The following SATB1 variants were observed in gnomAD, a reference collection of about 807,000 sequenced individuals.
SATB1 encodes the protein SATB homeobox 1.
SATB1 carries 11 observed loss-of-function variants against 86.9 expected under a neutral mutation model. The observed-to-expected ratio is 0.13, with a 90% CI of 0.08 to 0.21. The LOEUF is 0.21. Ranked by LOEUF, SATB1 falls within the 10% of genes least tolerant of loss-of-function variation. The pLI is 1.00. For synonymous variants in SATB1, 357 were observed against 357.2 expected, an observed-to-expected ratio of 1.00 and a Z score of 0.01; for missense variants, 551 against 937.6, an observed-to-expected ratio of 0.59 and a Z score of 5.39.
At chr3:18,370,757 G>C (rs1322684663) in intron 9 of SATB1, among the ~76,000 whole-genome samples, 1 of 151,990 alleles carries the variant, frequency 6.6e-6, no homozygotes, top group Non-Finnish European at 1.5e-5. Flanking sequence ...AGAAAACAGA[G>C]GCCTCATCAA....
intron 9 of SATB1, among the ~76,000 whole-genome samples, chr3:18,372,361 T>C (rs751932164): frequency 6.6e-6 from 1 of 152,186 alleles, no homozygotes; most frequent in African/African-American, 2.4e-5. Context: ...GCTTATTAAG[T>C]GGGTCGAAGA....
rs756940396 is a variant in SATB1 at position 18,397,241 on chromosome 3, G to A, written c.689C>T (p.Ala230Val). Residue 230 changes from alanine (A) to valine (V), a missense_variant, in exon 6 of 11, where the codon GCA becomes GTA. Around this residue, in one of 8 missense-constraint regions of SATB1, gnomAD observed 7 missense variants for 35.8 expected, o/e 0.20. Transcript: ENST00000338745. Reference sequence around the variant, plus strand: ...CCTTCCAAATTCTTGACATTTTGCTGCTGAGACATTTGCATAGTAAGTACT... The same window carrying A: ...CCTTCCAAATTCTTGACATTTTGCTACTGAGACATTTGCATAGTAAGTACT... ...VNSTYYANVSAAKCQEFGRWY... is the reference protein window; with the variant it reads ...VNSTYYANVSVAKCQEFGRWY... 1.2e-6 allele frequency: 2 copies of A among 1,612,518 alleles called. No individual in the cohort carries two copies. The highest frequency in any genetic ancestry group is 2.2e-5 in the South Asian group (2 of 91,048).
chr3:18,378,376 T>C, intron 8 of SATB1, 51 bp from the exon 9 acceptor site: 1 of 1,586,750 alleles, frequency 6.3e-7, no homozygotes, highest in Non-Finnish European at 8.6e-7. Context: ...TGAATTGTTT[T>C]GAAGCTTCTC....
At position 18,349,910 on chromosome 3, in the gene SATB1, C is replaced by T. The variant is rs923596921; in HGVS notation, c.1780-228G>A. ...TTAAGACAGCTTTGGGGGGCTACTGCACTTACTTATCAGAGATCAGCAGAG... is the reference window on the plus strand; with the variant it reads ...TTAAGACAGCTTTGGGGGGCTACTGTACTTACTTATCAGAGATCAGCAGAG... On this transcript the variant is annotated intron_variant, in intron 10 of 10. Coordinates refer to ENST00000338745, the MANE Select transcript of SATB1 (RefSeq NM_002971.6). The surrounding 1 kb of genome is among the most constrained non-coding windows in gnomAD (Gnocchi z 5.5). 3 of 661,882 alleles carry T rather than the reference C, an allele frequency of 4.5e-6. No individual in the cohort carries two copies. The highest frequency in any genetic ancestry group is 7.2e-6 in the Non-Finnish European group (3 of 418,822). The allele number at this position is 661,882 out of a possible 1,614,324, so 41.0% of individuals were successfully genotyped here. A position where few individuals can be genotyped will look rare whatever the true frequency, so the allele number is the denominator to read the frequency against.
In SATB1 at chr3:18,415,132, G is replaced by C. The variant is rs201246410; in HGVS notation, c.618C>G (p.Ala206=). ...LLKDMNQSSL[A]KECPLSQSMI... ...GTACCTGTGAAAGGGGGCACTCCTT[G>C]GCCAATGAACTCTGATTCATATCTT... Residue 206 remains alanine, a synonymous_variant, in exon 5 of 11, where the codon GCC becomes GCG. Coordinates refer to ENST00000338745, the MANE Select transcript of SATB1 (RefSeq NM_002971.6). 1.2e-6 allele frequency: 2 copies of C among 1,612,856 alleles called. No individual in the cohort carries two copies. The highest frequency in any genetic ancestry group is 1.7e-6 in the Non-Finnish European group (2 of 1,179,172).
chr3:18,349,976 T>G lies in SATB1; in HGVS notation c.1780-294A>C. On this transcript the variant is annotated intron_variant, in intron 10 of 10. Coordinates refer to ENST00000338745, the MANE Select transcript of SATB1 (RefSeq NM_002971.6). The surrounding 1 kb of genome is among the most constrained non-coding windows in gnomAD (Gnocchi z 5.5). ...TGCTCTGAAAATGTGAGCCATAAAA[T>G]TCACTAGAATGATACGCATCAAAGG... 2.3e-6 allele frequency: 1 copy of G among 429,606 alleles called. No homozygotes were observed. Among genetic ancestry groups the G allele is most frequent in the Non-Finnish European group, 4.1e-6 (1 of 245,264 alleles). 26.6% of individuals were successfully genotyped at this position (429,606 alleles called of 1,614,324 possible).
intron 2 of SATB1, among the ~76,000 whole-genome samples, chr3:18,418,663 G>A (rs965169844): frequency 1.3e-5 from 2 of 152,052 alleles, no homozygotes; most frequent in African/African-American, 2.4e-5. Flanking sequence ...TGGCAAAATC[G>A]CCTAAACAAA....
At chr3:18,411,422 T>A (rs1460565671) in intron 5 of SATB1, among the ~76,000 whole-genome samples, 1 of 152,090 alleles carries the variant, frequency 6.6e-6, no homozygotes, top group Non-Finnish European at 1.5e-5. Context: ...TAGCTGACCT[T>A]TACTTAACAA....
At position 18,349,992 on chromosome 3, in the gene SATB1, G is replaced by A. The variant is rs745576232; in HGVS notation, c.1780-310C>T. On this transcript the variant is annotated intron_variant, in intron 10 of 10. Transcript: ENST00000338745. This position sits in a 1 kb window ranked among gnomAD's most constrained non-coding sequence, Gnocchi z 5.5. ...GCCATAAAATTCACTAGAATGATAC[G>A]CATCAAAGGCGAAGACAGCACATCA... is the stretch of plus-strand genomic sequence containing the variant. 4.6e-4 allele frequency: 168 copies of A among 365,046 alleles called. No homozygotes were observed. The highest frequency in any genetic ancestry group is 7.2e-4 in the Non-Finnish European group (146 of 204,166). The allele number at this position is 365,046 out of a possible 1,614,324, so 22.6% of individuals were successfully genotyped here.
At chr3:18,385,683 T>C (rs1433391450) in intron 8 of SATB1, among the ~76,000 whole-genome samples, 1 of 151,976 alleles carries the variant, frequency 6.6e-6, no homozygotes, top group Non-Finnish European at 1.5e-5. Context: ...ATACACTAAC[T>C]AGCAAACTTT....
At chr3:18,437,426 A>AT (rs989863437) in intron 1 of SATB1, among the ~76,000 whole-genome samples, 1 of 152,024 alleles carries the variant, frequency 6.6e-6, no homozygotes, top group Non-Finnish European at 1.5e-5. Flanking sequence ...ATTCTAAAAG[A>AT]TTTTTTTTAA....
chr3:18,363,356 G>A (rs1260733602), intron 9 of SATB1, among the ~76,000 whole-genome samples: 1 of 152,120 alleles, frequency 6.6e-6, no homozygotes, highest in African/African-American at 2.4e-5. Flanking sequence ...CCCAAATCTT[G>A]TGATTTACAA....
intron 9 of SATB1, among the ~76,000 whole-genome samples, chr3:18,362,280 C>G (rs925296909): frequency 6.6e-6 from 1 of 152,070 alleles, no homozygotes; most frequent in East Asian, 1.9e-4. Context: ...ACACAAACAG[C>G]CCTTTGAGTG....
At chr3:18,417,793 TCAA>T in intron 2 of SATB1, 1 of 608,436 alleles carries the variant, frequency 1.6e-6, no homozygotes, top group Non-Finnish European at 2.9e-6. Context: ...GTCTTTAAAA[TCAA>T]CAATCTTTGT....
At position 18,358,500 on chromosome 3, in the gene SATB1, TGTAA is replaced by T. The variant is rs531054149; in HGVS notation, c.1576-6309_1576-6306del. On this transcript the variant is annotated intron_variant, in intron 9 of 10. Transcript: ENST00000338745. ...AAGTGAAAAGAACCTCAGCTGGCAC[TGTAA>T]GTAACTTTTCCTGCTAAGTTAACAT... Among the ~76,000 whole-genome samples, 266 of 152,128 alleles carry T rather than the reference TGTAA, an allele frequency of 1.7e-3. 1 individual carries two copies. The highest frequency in any genetic ancestry group is 6.1e-3 in the African/African-American group (255 of 41,558).
intron 9 of SATB1, among the ~76,000 whole-genome samples, chr3:18,369,489 T>G (rs1275114576): frequency 6.6e-6 from 1 of 152,186 alleles, no homozygotes. Flanking sequence ...TTCTTTTGAC[T>G]GCATTTTATT....
chr3:18,406,700 C>A (rs1364541378), intron 5 of SATB1, among the ~76,000 whole-genome samples: 1 of 151,908 alleles, frequency 6.6e-6, no homozygotes, highest in Non-Finnish European at 1.5e-5. Context: ...ATCAAATATA[C>A]AAAAGCATGA....
At chr3:18,355,377 T>C (rs1435626573) in intron 9 of SATB1, among the ~76,000 whole-genome samples, 1 of 152,076 alleles carries the variant, frequency 6.6e-6, no homozygotes, top group African/African-American at 2.4e-5. Context: ...CTATTAATAA[T>C]GACAGTAATC....
intron 9 of SATB1, among the ~76,000 whole-genome samples, chr3:18,356,797 T>C (rs1439049100): frequency 6.6e-6 from 1 of 151,854 alleles, no homozygotes; most frequent in African/African-American, 2.4e-5. Flanking sequence ...GTCAAGAAAG[T>C]AACCTCCTTT....
Sources: gnomAD v4.1 joint callset for allele counts (sites outside exome capture counted in the v4.1 genomes callset) on GRCh38, gnomAD v4.1.1 for gene constraint, gnomAD v4.1.1 regional missense constraint, Gnocchi (gnomAD v3.1) non-coding constraint, MANE v1.5 for transcripts, NCBI Gene and HGNC (gene_info 2026-07-23, HGNC 2026-07-21) for gene names.